ITPR1: variants seen among roughly 807,000 people sequenced by gnomAD.
The protein encoded by ITPR1 is inositol 1,4,5-trisphosphate receptor type 1.
ITPR1 carries 96 observed loss-of-function variants against 318.4 expected under a neutral mutation model. That is an observed-to-expected ratio of 0.30 (90% confidence interval 0.26 to 0.36). The LOEUF is 0.36. ITPR1 is among the 10% of genes least tolerant of loss of function. The pLI, the probability that ITPR1 is intolerant of heterozygous loss-of-function variation, is 1.00. For synonymous variants in ITPR1, 1,312 were observed against 1,289.9 expected, an observed-to-expected ratio of 1.02 and a Z score of -0.37; for missense variants, 2,440 against 3,460.2, an observed-to-expected ratio of 0.71 and a Z score of 7.40.
intron 52 of ITPR1, among the ~76,000 whole-genome samples, chr3:4,788,530 T>G (rs1265729167): frequency 1.3e-5 from 2 of 152,250 alleles, no homozygotes; most frequent in Non-Finnish European, 2.9e-5. Context: ...CTAGCACACC[T>G]GCTCCAGAGA....
At chr3:4,720,034 C>A (rs1000265739) in intron 40 of ITPR1, among the ~76,000 whole-genome samples, 8 of 152,238 alleles carry the variant, frequency 5.3e-5, no homozygotes, top group Non-Finnish European at 1.2e-4. Context: ...AATCAAGACA[C>A]AGAATGTTTC....
chr3:4,593,269 T>C (rs762969251), intron 4 of ITPR1, among the ~76,000 whole-genome samples: 1 of 152,214 alleles, frequency 6.6e-6, no homozygotes, highest in Non-Finnish European at 1.5e-5. Flanking sequence ...TTCTGAAGTT[T>C]CGTGAACTTA....
At chr3:4,582,253 G>T (rs1405778062) in intron 4 of ITPR1, among the ~76,000 whole-genome samples, 1 of 152,038 alleles carries the variant, frequency 6.6e-6, no homozygotes, top group African/African-American at 2.4e-5. Flanking sequence ...TATGCGCTTT[G>T]GGTTCTAGAC....
chr3:4,728,708 T>C (rs570650267), intron 42 of ITPR1, among the ~76,000 whole-genome samples: 14 of 152,364 alleles, frequency 9.2e-5, no homozygotes, highest in African/African-American at 3.4e-4. Flanking sequence ...AACTATTTTT[T>C]TGGTACCCAT....
At chr3:4,568,961 A>C (rs978535263) in intron 4 of ITPR1, among the ~76,000 whole-genome samples, 1 of 152,110 alleles carries the variant, frequency 6.6e-6, no homozygotes, top group East Asian at 1.9e-4. Flanking sequence ...GGTATGTCAC[A>C]TGGCAAAAGC....
intron 33 of ITPR1, among the ~76,000 whole-genome samples, chr3:4,695,642 T>C (rs975836995): frequency 6.6e-6 from 1 of 152,150 alleles, no homozygotes; most frequent in Non-Finnish European, 1.5e-5. Flanking sequence ...CCCTCAACAA[T>C]ATAGTTTAGT....
intron 42 of ITPR1, 62 bp from the exon 43 acceptor site, chr3:4,733,026 T>C: frequency 4.5e-6 from 7 of 1,543,274 alleles, no homozygotes; most frequent in Non-Finnish European, 6.2e-6. Flanking sequence ...GTGTTTTGAA[T>C]ATTCGTCCCT....
chr3:4,536,713 C>T (rs373947778), intron 4 of ITPR1, among the ~76,000 whole-genome samples: 1 of 152,140 alleles, frequency 6.6e-6, no homozygotes, highest in Non-Finnish European at 1.5e-5. Context: ...TAATAGCTTA[C>T]GAAAAATGCA....
At chr3:4,736,869 A>G (rs963365793) in intron 44 of ITPR1, among the ~76,000 whole-genome samples, 2 of 152,200 alleles carry the variant, frequency 1.3e-5, no homozygotes, top group Non-Finnish European at 2.9e-5. Context: ...ATGTGCTGCT[A>G]TACCAGGGGC....
At chr3:4,640,425 T>C (rs2093310871) in intron 6 of ITPR1, among the ~76,000 whole-genome samples, 1 of 152,198 alleles carries the variant, frequency 6.6e-6, no homozygotes, top group South Asian at 2.1e-4. Flanking sequence ...GTCCCACTCA[T>C]GCACTTCCTC....
chr3:4,838,002 T>C (rs2051056549), intron 61 of ITPR1, among the ~76,000 whole-genome samples: 1 of 152,200 alleles, frequency 6.6e-6, no homozygotes, highest in African/African-American at 2.4e-5. Context: ...GATTTATCAC[T>C]CTTACAAAGA....
At chr3:4,625,713 C>A (rs9873874) in intron 4 of ITPR1, among the ~76,000 whole-genome samples, 5 of 152,128 alleles carry the variant, frequency 3.3e-5, no homozygotes, top group Admixed American at 2.0e-4. Flanking sequence ...CCCGCCACCA[C>A]GCCCGGCTAA....
intron 4 of ITPR1, among the ~76,000 whole-genome samples, chr3:4,567,896 G>GC (rs1262512342): frequency 2.6e-5 from 4 of 152,178 alleles, no homozygotes; most frequent in Non-Finnish European, 4.4e-5. Flanking sequence ...GAGCCACCGT[G>GC]CCCCACCTTG....
chr3:4,507,775 A>G (rs1279243649), intron 2 of ITPR1, among the ~76,000 whole-genome samples: 4 of 152,226 alleles, frequency 2.6e-5, no homozygotes, highest in African/African-American at 7.2e-5. Context: ...TTTTGGCCTC[A>G]GATGAAGTTG....
chr3:4,597,160 GA>G (rs2125075982), intron 4 of ITPR1, among the ~76,000 whole-genome samples: 1 of 152,282 alleles, frequency 6.6e-6, no homozygotes, highest in East Asian at 1.9e-4. Flanking sequence ...GTTTTTTAAG[GA>G]AAAGATGTGG....
chr3:4,737,705 A>G (rs998894324), intron 44 of ITPR1, among the ~76,000 whole-genome samples: 3 of 152,242 alleles, frequency 2.0e-5, no homozygotes, highest in African/African-American at 7.2e-5. Flanking sequence ...AGAATTAAAA[A>G]GTTAATGGGC....
At chr3:4,656,205 G>A (rs991677951) in intron 12 of ITPR1, among the ~76,000 whole-genome samples, 2 of 152,328 alleles carry the variant, frequency 1.3e-5, no homozygotes, top group Non-Finnish European at 1.5e-5. Flanking sequence ...ATGTCAGGAC[G>A]CTGCCTCTCA....
intron 44 of ITPR1, among the ~76,000 whole-genome samples, chr3:4,742,334 T>C (rs978772927): frequency 6.6e-6 from 1 of 152,204 alleles, no homozygotes; most frequent in Non-Finnish European, 1.5e-5. Context: ...ACGAAGAACA[T>C]GAGGGTAAAG....
chr3:4,807,221 A>G (rs138413083), intron 55 of ITPR1, among the ~76,000 whole-genome samples: 189 of 151,694 alleles, frequency 1.2e-3, no homozygotes, highest in African/African-American at 4.3e-3. Context: ...CTTCAGGGAG[A>G]TGCTTAGAAA....
Sources: gnomAD v4.1 joint callset for allele counts (sites outside exome capture counted in the v4.1 genomes callset) on GRCh38, gnomAD v4.1.1 for gene constraint, MANE v1.5 for transcripts, NCBI Gene and HGNC (gene_info 2026-07-23, HGNC 2026-07-21) for gene names.